The following PDE3A variants were observed in gnomAD, a reference collection of about 807,000 sequenced individuals.
PDE3A encodes the protein phosphodiesterase 3A, also known as cGMP-inhibited 3',5'-cyclic phosphodiesterase 3A.
In PDE3A, 43 loss-of-function variants were observed where a neutral mutation model predicts 98.3. That is an observed-to-expected ratio of 0.44 (90% CI 0.34 to 0.56). The LOEUF (loss-of-function observed/expected upper bound fraction) is 0.56, where lower values mean the gene tolerates loss of function less well. Among genes scored for constraint, PDE3A ranks in the 20% least tolerant of loss-of-function variants. The pLI, the probability that PDE3A is intolerant of heterozygous loss-of-function variation, is 0.01. For synonymous variants in PDE3A, 663 were observed against 567.9 expected, an observed-to-expected ratio of 1.17 and a Z score of -2.38; for missense variants, 1,427 against 1,440.7, an observed-to-expected ratio of 0.99 and a Z score of 0.15.
chr12:20,566,698 C>A (rs1020121825), intron 2 of PDE3A, among the ~76,000 whole-genome samples: 8 of 151,642 alleles, frequency 5.3e-5, no homozygotes, highest in Non-Finnish European at 1.0e-4. Flanking sequence ...AGTTGTCTAT[C>A]AAAGATGATG....
chr12:20,597,505 CT>C (rs1323806865), intron 2 of PDE3A, among the ~76,000 whole-genome samples: 1 of 151,756 alleles, frequency 6.6e-6, no homozygotes, highest in Admixed American at 6.6e-5. Context: ...TGGTTTTTTT[CT>C]TTTTTTGATC....
intron 1 of PDE3A, among the ~76,000 whole-genome samples, chr12:20,538,086 G>T (rs932738360): frequency 1.3e-5 from 2 of 152,154 alleles, no homozygotes; most frequent in African/African-American, 4.8e-5. Flanking sequence ...TTCAAAGTCA[G>T]CTAAAGTGTG....
At chr12:20,464,410 C>T (rs935527071) in intron 1 of PDE3A, among the ~76,000 whole-genome samples, 1 of 152,130 alleles carries the variant, frequency 6.6e-6, no homozygotes, top group African/African-American at 2.4e-5. Flanking sequence ...ATTATTTTTT[C>T]AGCTCTCGCT....
chr12:20,371,546 A>G, intron 1 of PDE3A: 3 of 730,438 alleles, frequency 4.1e-6, no homozygotes, highest in African/African-American at 1.9e-5. Flanking sequence ...CAGTCACCAT[A>G]TGGTGTGGGT....
intron 1 of PDE3A, among the ~76,000 whole-genome samples, chr12:20,469,743 T>C (rs1193353946): frequency 6.6e-6 from 1 of 152,202 alleles, no homozygotes; most frequent in African/African-American, 2.4e-5. Flanking sequence ...ACATATATTT[T>C]TGATGACATT....
At chr12:20,492,665 T>C (rs575015908) in intron 1 of PDE3A, among the ~76,000 whole-genome samples, 2 of 152,174 alleles carry the variant, frequency 1.3e-5, no homozygotes, top group Admixed American at 1.3e-4. Flanking sequence ...GGTAGAGAAA[T>C]GCAGCCACTA....
chr12:20,581,765 A>C (rs1490009255), intron 2 of PDE3A, among the ~76,000 whole-genome samples: 1 of 151,620 alleles, frequency 6.6e-6, no homozygotes, highest in Admixed American at 6.6e-5. Flanking sequence ...GGCGCCCGCC[A>C]CTACGCCCGG....
intron 10 of PDE3A, among the ~76,000 whole-genome samples, chr12:20,644,798 G>T (rs987772186): frequency 6.6e-6 from 1 of 151,140 alleles, no homozygotes; most frequent in Non-Finnish European, 1.5e-5. Flanking sequence ...CTCCTCAGGA[G>T]GCTAGGATTT....
intron 1 of PDE3A, among the ~76,000 whole-genome samples, chr12:20,440,109 G>A (rs147673698): frequency 6.6e-6 from 1 of 152,242 alleles, no homozygotes; most frequent in East Asian, 1.9e-4. Flanking sequence ...ATCTAATTAA[G>A]CTCTGAGTCT....
chr12:20,680,130 G>T lies in PDE3A; in HGVS notation c.3285G>T (p.Arg1095=), dbSNP rs1436021887. ...MWKKVIEEEQ[R]LAGIENQSLD... ...AGAAAGTCATTGAAGAGGAGCAACGGTTGGCAGGCATAGAAAATCAATCCC... is the reference window on the plus strand; with the variant it reads ...AGAAAGTCATTGAAGAGGAGCAACGTTTGGCAGGCATAGAAAATCAATCCC... The change falls in exon 16 of 16, where the codon CGG becomes CGT. Residue 1095 remains arginine (R), a synonymous_variant. Coordinates refer to ENST00000359062, the MANE Select transcript of PDE3A (RefSeq NM_000921.5). 1 of 1,613,764 alleles carries T rather than the reference G, an allele frequency of 6.2e-7. No individual in the cohort carries two copies. The highest frequency in any genetic ancestry group is 1.7e-5 in the Admixed American group (1 of 59,984).
Position 20,636,402 on chromosome 12 carries a change from G to A in PDE3A, c.2002-698G>A, listed in dbSNP as rs570869978. On this transcript the variant is annotated intron_variant, in intron 8 of 15. Coordinates refer to ENST00000359062, the MANE Select transcript of PDE3A (RefSeq NM_000921.5). ...GATCGTCAGGTAAAATAATGTATAT[G>A]TTTCCCTATCCTCATTCTCTTTCTT... 4.6e-5 allele frequency among the ~76,000 whole-genome samples: 7 copies of A among 152,218 alleles called. No individual in the cohort carries two copies. The South Asian group carries it at 1.5e-3, about 32-fold the overall frequency.
At chr12:20,517,212 T>G (rs1946337676) in intron 1 of PDE3A, among the ~76,000 whole-genome samples, 1 of 152,204 alleles carries the variant, frequency 6.6e-6, no homozygotes, top group Non-Finnish European at 1.5e-5. Flanking sequence ...TTGTTATCAT[T>G]AGTGCCTACA....
chr12:20,497,528 C>A (rs1945941942), intron 1 of PDE3A, among the ~76,000 whole-genome samples: 1 of 146,818 alleles, frequency 6.8e-6, no homozygotes. Context: ...AAATTGTGCC[C>A]TAAAAAAAAA....
At chr12:20,565,172 C>T (rs554507402) in intron 2 of PDE3A, among the ~76,000 whole-genome samples, 14 of 152,160 alleles carry the variant, frequency 9.2e-5, no homozygotes, top group African/African-American at 2.6e-4. Context: ...TTTGCACGTA[C>T]GTTCTTGTAA....
Position 20,653,963 on chromosome 12 carries a change from G to T in PDE3A, c.2942G>T (p.Ser981Ile), listed in dbSNP as rs767877662. The change falls in exon 15 of 16, where the codon AGC (serine) becomes ATC (isoleucine). Residue 981 changes from serine to isoleucine, a missense_variant. This residue lies in a region of PDE3A where 273 missense variants were observed against 420.3 expected (regional missense o/e 0.65). Coordinates refer to ENST00000359062, the MANE Select transcript of PDE3A (RefSeq NM_000921.5). ...EFYEQGDEEA[S>I]LGLPISPFMD... ...TATTTCTAGGGTGATGAAGAGGCCA[G>T]CCTTGGATTACCCATAAGCCCCTTC... is the stretch of plus-strand genomic sequence containing the variant. 1.2e-6 allele frequency: 2 copies of T among 1,614,126 alleles called. No individual in the cohort carries two copies. Among genetic ancestry groups the T allele is most frequent in the Non-Finnish European group, 1.7e-6 (2 of 1,180,000 alleles).
intron 1 of PDE3A, among the ~76,000 whole-genome samples, chr12:20,430,571 C>CAGGGTGCATAT (rs1944678825): frequency 6.6e-6 from 1 of 151,916 alleles, no homozygotes; most frequent in Non-Finnish European, 1.5e-5. Flanking sequence ...GCATTATTTT[C>CAGGGTGCATAT]CTATTGAAGA....
Position 20,433,995 on chromosome 12 carries a change from G to C in PDE3A, c.960+63751G>C, listed in dbSNP as rs532349528. ...TTACTTATTTCCACTCTGAGATCAG[G>C]TCTCATTTACCTTGAATTTGATTTG... On this transcript the variant is annotated intron_variant, in intron 1 of 15. Coordinates refer to ENST00000359062, the MANE Select transcript of PDE3A (RefSeq NM_000921.5). 2.6e-5 allele frequency among the ~76,000 whole-genome samples: 4 copies of C among 152,212 alleles called. No individual in the cohort carries two copies. The East Asian group carries it at 7.7e-4, about 29-fold the overall frequency.
chr12:20,649,480 A>G (rs1944865669), intron 13 of PDE3A, among the ~76,000 whole-genome samples: 1 of 152,110 alleles, frequency 6.6e-6, no homozygotes, highest in Admixed American at 6.6e-5. Context: ...GTTTGATTTA[A>G]TTTGTTTTCA....
chr12:20,566,837 G>C (rs1233303919), intron 2 of PDE3A, among the ~76,000 whole-genome samples: 1 of 151,816 alleles, frequency 6.6e-6, no homozygotes, highest in Non-Finnish European at 1.5e-5. Flanking sequence ...TGATGATTTG[G>C]GTGACCGACA....
Sources: gnomAD v4.1 joint callset for allele counts (sites outside exome capture counted in the v4.1 genomes callset) on GRCh38, gnomAD v4.1.1 for gene constraint, gnomAD v4.1.1 regional missense constraint, MANE v1.5 for transcripts, NCBI Gene and HGNC (gene_info 2026-07-23, HGNC 2026-07-21) for gene names.